Variants in FRMD3 observed in about 807,000 individuals in gnomAD.
The protein encoded by FRMD3 is FERM domain containing 3.
In FRMD3, 33 loss-of-function variants were observed where a neutral mutation model predicts 70.2. The ratio of observed to expected loss-of-function variants is 0.47; its 90% CI spans 0.36 to 0.63. FRMD3 has a LOEUF of 0.63. FRMD3 is among the 20% of genes least tolerant of loss of function. FRMD3 has a pLI of 0.00. For missense variants in FRMD3, 632 were observed against 711.4 expected (o/e 0.89, Z 1.27); for synonymous variants, 279 against 255.9 (o/e 1.09, Z -0.86).
At chr9:83,535,826 T>C (rs1294473908) in intron 1 of FRMD3, among the ~76,000 whole-genome samples, 1 of 151,674 alleles carries the variant, frequency 6.6e-6, no homozygotes, top group African/African-American at 2.4e-5. Context: ...TGTGACAATA[T>C]ATACAATCCT....
upstream of FRMD3, chr9:83,538,498 G>A: frequency 3.2e-6 from 1 of 311,002 alleles, no homozygotes; most frequent in Non-Finnish European, 5.9e-6. This position sits in a 1 kb window ranked among gnomAD's most constrained non-coding sequence, Gnocchi z 4.7. Flanking sequence ...CTCTGCCCGG[G>A]CTCGCTCGCC....
chr9:83,556,430 A>G, the FRMD3 span, among the ~76,000 whole-genome samples: 1 of 152,222 alleles, frequency 6.6e-6, no homozygotes, highest in African/African-American at 2.4e-5. Flanking sequence ...TCTGATGGTT[A>G]ATTTAGCTAT....
At position 83,248,364 on chromosome 9, in the gene FRMD3, T is replaced by A; in HGVS notation, c.1348A>T (p.Ser450Cys). 6.2e-7 allele frequency: 1 copy of A among 1,614,150 alleles called. No homozygotes were observed. Among genetic ancestry groups the A allele is most frequent in the Non-Finnish European group, 8.5e-7 (1 of 1,180,036 alleles). The change falls in exon 14 of 14, where the codon AGT (serine) becomes TGT (cysteine). Residue 450 changes from serine to cysteine, a missense_variant. By Grantham distance (112) the Ser-to-Cys change is moderately radical. Around this residue, in one of 3 missense-constraint regions of FRMD3, gnomAD observed 418 missense variants for 442.1 expected, o/e 0.95. Transcript: ENST00000304195. ...ACAGGGGTGGGGAGCAGGCTGGCAC[T>A]TGGGTTGTACACTAGTTCAGAGATG... ...LTISELVYNP[S>C]ASLLPTPVDD...
Position 83,335,510 on chromosome 9 carries a change from A to G in FRMD3, c.596+6T>C. On this transcript the variant is annotated splice_donor_region_variant and intron_variant, in intron 6 of 13. Coordinates refer to ENST00000304195, the MANE Select transcript of FRMD3 (RefSeq NM_174938.6). ...TCATTTTCACAAATGTCTACTCAGT[A>G]ATTACCTGAGTTCATTTTTATGAAT... is the stretch of plus-strand genomic sequence containing the variant. 6.2e-7 allele frequency: 1 copy of G among 1,606,988 alleles called. No individual in the cohort carries two copies. Among genetic ancestry groups the G allele is most frequent in the Admixed American group, 1.7e-5 (1 of 59,894 alleles).
intron 1 of FRMD3, among the ~76,000 whole-genome samples, chr9:83,508,986 C>A (rs1587497022): frequency 6.7e-6 from 1 of 148,828 alleles, no homozygotes; most frequent in Admixed American, 6.7e-5. Flanking sequence ...ACTGGAATCA[C>A]CCCCAATGCC....
At chr9:83,250,523 T>C (rs55874713) in intron 13 of FRMD3, among the ~76,000 whole-genome samples, 3,708 of 152,270 alleles carry the variant, frequency 0.024, 66 homozygotes, top group Non-Finnish European at 0.037. Context: ...CCCACTTCCA[T>C]GGCACCTCAC....
chr9:83,278,795 C>T (rs1252891452), intron 13 of FRMD3, among the ~76,000 whole-genome samples: 5 of 151,988 alleles, frequency 3.3e-5, no homozygotes, highest in Non-Finnish European at 5.9e-5. Flanking sequence ...GGGGTCAGGG[C>T]GGGGACCAGG....
chr9:83,515,355 G>A (rs148763310), intron 1 of FRMD3, among the ~76,000 whole-genome samples: 91 of 151,952 alleles, frequency 6.0e-4, no homozygotes, highest in African/African-American at 2.1e-3. Context: ...TCAATCAAGC[G>A]GAAAAAAGGA....
intron 2 of FRMD3, among the ~76,000 whole-genome samples, chr9:83,376,577 G>T (rs1173661416): frequency 1.3e-5 from 2 of 151,218 alleles, no homozygotes; most frequent in Non-Finnish European, 2.9e-5. Context: ...ACTCAAAGGA[G>T]TACACAGTTC....
chr9:83,489,511 C>T (rs1033343050), intron 1 of FRMD3, among the ~76,000 whole-genome samples: 2 of 152,200 alleles, frequency 1.3e-5, no homozygotes, highest in African/African-American at 4.8e-5. Flanking sequence ...AAAAAATGCT[C>T]AACATCACTA....
intron 3 of FRMD3, among the ~76,000 whole-genome samples, chr9:83,357,653 T>C (rs1824445913): frequency 6.6e-6 from 1 of 152,176 alleles, no homozygotes; most frequent in African/African-American, 2.4e-5. Flanking sequence ...GTGGTTTTTA[T>C]TTGCATTTCT....
intron 1 of FRMD3, among the ~76,000 whole-genome samples, chr9:83,526,679 A>C (rs991537767): frequency 3.9e-5 from 6 of 151,928 alleles, no homozygotes; most frequent in Admixed American, 3.9e-4. Context: ...TCTTCCCCCA[A>C]CTGACTGCGA....
intron 1 of FRMD3, among the ~76,000 whole-genome samples, chr9:83,500,538 ACAAT>A (rs1383043852): frequency 7.4e-6 from 1 of 135,420 alleles, no homozygotes; most frequent in Non-Finnish European, 1.7e-5. Context: ...ACACACACAC[ACAAT>A]GTCAATATTG....
chr9:83,389,488 G>A, intron 2 of FRMD3, 116 bp downstream of exon 2: 1 of 703,280 alleles, frequency 1.4e-6, no homozygotes. Context: ...AGGGTTTCAT[G>A]TGCCCAATAA....
intron 10 of FRMD3, among the ~76,000 whole-genome samples, chr9:83,308,962 C>G (rs1835243790): frequency 1.3e-5 from 2 of 152,090 alleles, no homozygotes; most frequent in South Asian, 4.1e-4. Flanking sequence ...GGTAGATAAA[C>G]AGCCCCACCT....
intron 1 of FRMD3, among the ~76,000 whole-genome samples, chr9:83,399,024 C>A (rs1825879188): frequency 6.6e-6 from 1 of 152,088 alleles, no homozygotes; most frequent in African/African-American, 2.4e-5. Context: ...CCATGGTAGC[C>A]CCTACACACT....
At chr9:83,400,120 C>T (rs112532663) in intron 1 of FRMD3, among the ~76,000 whole-genome samples, 3 of 152,042 alleles carry the variant, frequency 2.0e-5, no homozygotes, top group African/African-American at 7.3e-5. Context: ...ATCAGATGTT[C>T]TCATTGTCTA....
chr9:83,389,569 C>T (rs1434125743), intron 2 of FRMD3, 35 bp downstream of exon 2: 5 of 1,435,994 alleles, frequency 3.5e-6, no homozygotes, highest in East Asian at 2.3e-5. Flanking sequence ...TGGGTCACTC[C>T]CTGAAAATGG....
chr9:83,343,421 C>T, intron 4 of FRMD3, 134 bp from the exon 5 acceptor site: 1 of 629,436 alleles, frequency 1.6e-6, no homozygotes, highest in Non-Finnish European at 2.9e-6. Context: ...ATGCCCAGCC[C>T]TTTGTAGAAC....
Sources: allele counts gnomAD v4.1 joint callset (sites outside exome capture counted in the v4.1 genomes callset), GRCh38; gene constraint gnomAD v4.1.1; regional missense constraint gnomAD v4.1.1; non-coding constraint Gnocchi (gnomAD v3.1); transcripts MANE v1.5; gene names NCBI Gene and HGNC (gene_info 2026-07-23, HGNC 2026-07-21).